CEP350: variants seen among roughly 807,000 people sequenced by gnomAD.
CEP350 encodes centrosome-associated protein 350.
Under a neutral mutation model 331.8 loss-of-function variants are expected in CEP350, and 126 were observed. The ratio of observed to expected loss-of-function variants is 0.38; its 90% CI spans 0.33 to 0.44. The LOEUF is 0.44. Among genes scored for constraint, CEP350 ranks in the 20% least tolerant of loss-of-function variants. The pLI is 1.00. For synonymous variants in CEP350, 1,200 were observed against 1,259.5 expected (o/e 0.95, Z 1.00); for missense variants, 3,406 against 3,634.6 (o/e 0.94, Z 1.62).
chr1:180,041,873 A>G, intron 19 of CEP350, 71 bp downstream of exon 19: 1 of 1,388,764 alleles, frequency 7.2e-7, no homozygotes, highest in Middle Eastern at 1.8e-4. Context: ...ATCTTCAGTA[A>G]TGGGTTTCTA....
chr1:179,980,508 C>T (rs1331856968), intron 1 of CEP350, among the ~76,000 whole-genome samples: 1 of 151,928 alleles, frequency 6.6e-6, no homozygotes, highest in Admixed American at 6.6e-5. Flanking sequence ...TTGACTTCCT[C>T]CTTTGCAATT....
chr1:180,040,144 C>A (rs192303088), intron 17 of CEP350, among the ~76,000 whole-genome samples: 2 of 151,920 alleles, frequency 1.3e-5, no homozygotes, highest in African/African-American at 2.4e-5. Flanking sequence ...GCCCTCCCCC[C>A]GCCACTGCCC....
intron 1 of CEP350, among the ~76,000 whole-genome samples, chr1:179,964,660 G>T (rs1178061725): frequency 6.7e-5 from 10 of 149,860 alleles, no homozygotes. Flanking sequence ...TTTCTAGTTT[G>T]TGCACATAAA....
chr1:179,960,766 T>G (rs1207161888), intron 1 of CEP350, among the ~76,000 whole-genome samples: 1 of 152,184 alleles, frequency 6.6e-6, no homozygotes, highest in African/African-American at 2.4e-5. Flanking sequence ...TAAGTAGTTG[T>G]GGTAATTTAG....
chr1:179,957,939 T>TC (rs1650298639), intron 1 of CEP350, among the ~76,000 whole-genome samples: 2 of 152,220 alleles, frequency 1.3e-5, no homozygotes, highest in African/African-American at 4.8e-5. Context: ...TTTAAATTCT[T>TC]CAAGGCCAGC....
chr1:180,053,223 A>ATCTT, intron 23 of CEP350, 57 bp downstream of exon 23: 1 of 836,142 alleles, frequency 1.2e-6, no homozygotes, highest in Non-Finnish European at 1.8e-6. Flanking sequence ...TCTCAAAGAT[A>ATCTT]TGAGAAAACA....
chr1:179,962,529 C>A (rs969522481), intron 1 of CEP350, among the ~76,000 whole-genome samples: 4 of 152,154 alleles, frequency 2.6e-5, no homozygotes, highest in African/African-American at 4.8e-5. Context: ...CCTGCCTCAG[C>A]CTCCTGAGTA....
chr1:180,042,104 T>C (rs1015215817), intron 19 of CEP350, among the ~76,000 whole-genome samples: 9 of 149,704 alleles, frequency 6.0e-5, no homozygotes, highest in Non-Finnish European at 1.2e-4. Flanking sequence ...TGTACCTATT[T>C]TAAGTATGCA....
At position 180,015,837 on chromosome 1, in the gene CEP350, C is replaced by T. The variant is rs1654937121; in HGVS notation, c.2053-12C>T. On this transcript the variant is annotated splice_polypyrimidine_tract_variant and intron_variant, in intron 10 of 37. Coordinates refer to ENST00000367607, the MANE Select transcript of CEP350 (RefSeq NM_014810.5). The stretch of plus-strand genomic sequence containing the variant: ...ACAGAACTCATATAAATTTGATGTC[C>T]TTTTCTCCTAGGCCAAACCAGGGTA... 1 of 1,610,138 alleles carries T rather than the reference C, an allele frequency of 6.2e-7. No individual in the cohort carries two copies.
At chr1:179,960,783 A>T (rs1650548157) in intron 1 of CEP350, among the ~76,000 whole-genome samples, 1 of 152,184 alleles carries the variant, frequency 6.6e-6, no homozygotes, top group Non-Finnish European at 1.5e-5. Flanking sequence ...TTAGTAATAA[A>T]AATATTTATT....
chr1:180,024,344 A>C (rs1380336081), intron 13 of CEP350, 75 bp from the exon 14 acceptor site: 3 of 1,353,324 alleles, frequency 2.2e-6, no homozygotes, highest in Non-Finnish European at 3.0e-6. Flanking sequence ...GATTACATAG[A>C]TTTTTAAATA....
At chr1:180,100,676 G>A in intron 37 of CEP350, among the ~76,000 whole-genome samples, 1 of 152,192 alleles carries the variant, frequency 6.6e-6, no homozygotes, top group East Asian at 1.9e-4. Context: ...AGAATAGGGA[G>A]CTGTTAAAAC....
In CEP350 at chr1:180,065,529, C is replaced by G. The variant is rs929612881; in HGVS notation, c.5567+257C>G. 6.6e-5 allele frequency among the ~76,000 whole-genome samples: 10 copies of G among 152,012 alleles called. 1 individual carries two copies. Among genetic ancestry groups the G allele is most frequent in the Non-Finnish European group, 1.5e-4 (10 of 67,994 alleles). On this transcript the variant is annotated intron_variant, in intron 27 of 37. Transcript: ENST00000367607. ...AGGAGTGGTGGCTCACACCTATAAT[C>G]CCAGCACTTTGAGAAGCTGAGGCAG... is the stretch of plus-strand genomic sequence containing the variant.
intron 17 of CEP350, among the ~76,000 whole-genome samples, chr1:180,038,639 CTG>C (rs1426609108): frequency 6.6e-6 from 1 of 152,122 alleles, no homozygotes; most frequent in African/African-American, 2.4e-5. Flanking sequence ...ACTGATGAGA[CTG>C]ATTGTCTTTT....
At chr1:179,992,856 A>G (rs1427804300) in intron 5 of CEP350, among the ~76,000 whole-genome samples, 1 of 152,198 alleles carries the variant, frequency 6.6e-6, no homozygotes. Context: ...CAGTGCATTC[A>G]TGCTCTTATA....
At chr1:179,996,118 A>G (rs1290655880) in intron 5 of CEP350, among the ~76,000 whole-genome samples, 4 of 152,148 alleles carry the variant, frequency 2.6e-5, no homozygotes, top group African/African-American at 9.7e-5. Context: ...TAATATGCAG[A>G]TTGTTATTTA....
intron 1 of CEP350, among the ~76,000 whole-genome samples, chr1:179,984,603 A>T (rs185939172): frequency 1.2e-4 from 19 of 152,336 alleles, no homozygotes; most frequent in Admixed American, 1.1e-3. Context: ...ATGTGATATT[A>T]GTTTAAAATA....
chr1:180,049,276 G>A lies in CEP350; in HGVS notation c.4792+571G>A, dbSNP rs796312609. On this transcript the variant is annotated intron_variant, in intron 22 of 37. Transcript: ENST00000367607. ...TTATAGATAATATTTGTAAGCCTTA[G>A]AAGGAAACACAGTAACGATATGTGA... Among the ~76,000 whole-genome samples the A allele has an allele frequency of 2.6e-5, 4 of 152,208 alleles. No individual in the cohort carries two copies. In the South Asian group the frequency reaches 8.3e-4, roughly 32 times the overall value.
At chr1:180,083,925 G>C in intron 30 of CEP350, 93 bp from the exon 31 acceptor site, 1 of 550,742 alleles carries the variant, frequency 1.8e-6, no homozygotes, top group Non-Finnish European at 3.0e-6. Flanking sequence ...TTATTTAAAT[G>C]GAATATTACA....
Sources: gnomAD v4.1 joint callset for allele counts (sites outside exome capture counted in the v4.1 genomes callset) on GRCh38, gnomAD v4.1.1 for gene constraint, MANE v1.5 for transcripts, NCBI Gene and HGNC (gene_info 2026-07-23, HGNC 2026-07-21) for gene names.